MPPED2: variants seen among roughly 807,000 people sequenced by gnomAD.
MPPED2 encodes the protein metallophosphoesterase MPPED2.
MPPED2 carries 5 observed loss-of-function variants against 33.0 expected under a neutral mutation model. The observed-to-expected ratio is 0.15, with a 90% confidence interval of 0.08 to 0.32. The LOEUF is 0.32. Among genes scored for constraint, MPPED2 ranks in the 10% least tolerant of loss-of-function variants. The probability of loss-of-function intolerance (pLI) is 1.00; values close to 1 mark genes in which losing one functional copy is unlikely to be tolerated. For missense variants in MPPED2, 275 were observed against 372.1 expected, an observed-to-expected ratio of 0.74 and a Z score of 2.15; for synonymous variants, 136 against 141.9, an observed-to-expected ratio of 0.96 and a Z score of 0.29.
At position 30,489,219 on chromosome 11, in the gene MPPED2, C is replaced by T. The variant is rs539404847; in HGVS notation, c.536+6077G>A. ...GTTAATTTGTTCACTATTTCAAGAA[C>T]TTGAAGACTGTCAGCAAAATACATG... On this transcript the variant is annotated intron_variant, in intron 4 of 6. Coordinates refer to ENST00000358117, the MANE Select transcript of MPPED2 (RefSeq NM_001584.3). Among the ~76,000 whole-genome samples the T allele has an allele frequency of 6.6e-5, 10 of 152,262 alleles. 1 individual carries two copies. The South Asian group carries it at 2.1e-3, about 32-fold the overall frequency.
In MPPED2 at chr11:30,495,356, C is replaced by T. The variant is rs1453535781; in HGVS notation, c.476G>A (p.Ser159Asn). 6.2e-7 allele frequency: 1 copy of T among 1,614,152 alleles called. No individual in the cohort carries two copies. Among genetic ancestry groups the T allele is most frequent in the Middle Eastern group, 1.6e-4 (1 of 6,062 alleles). The change falls in exon 4 of 7, where the codon AGT becomes AAT. Residue 159 changes from serine to asparagine, a missense_variant. Coordinates refer to ENST00000358117, the MANE Select transcript of MPPED2 (RefSeq NM_001584.3). The part of the protein sequence containing the change: ...FDNVQSLLTN[S>N]IYLQDSEVTV... ...TACCTCCGAATCTTGTAAGTAAATA[C>T]TGTTTGTCAGGAGGGACTGAACATT...
chr11:30,500,806 G>T (rs1346915794), intron 3 of MPPED2, among the ~76,000 whole-genome samples: 2 of 152,114 alleles, frequency 1.3e-5, no homozygotes, highest in East Asian at 3.9e-4. Context: ...CTTCAAAATG[G>T]CAGACACACA....
At chr11:30,401,863 T>A (rs1947913538) in intron 6 of MPPED2, among the ~76,000 whole-genome samples, 1 of 94,274 alleles carries the variant, frequency 1.1e-5, no homozygotes, top group African/African-American at 2.8e-5. Context: ...TTTTTGTATT[T>A]TTTTTTTTTT....
chr11:30,542,338 G>T (rs151032785), intron 2 of MPPED2, among the ~76,000 whole-genome samples: 4 of 151,770 alleles, frequency 2.6e-5, no homozygotes, highest in African/African-American at 7.3e-5. Context: ...CACGAGCCAG[G>T]TTCGGTGGCT....
intron 3 of MPPED2, among the ~76,000 whole-genome samples, chr11:30,516,225 G>A (rs1953526604): frequency 6.6e-6 from 1 of 152,024 alleles, no homozygotes; most frequent in Non-Finnish European, 1.5e-5. Context: ...TTCAGAAAAG[G>A]AATAAAAATT....
chr11:30,436,886 G>A (rs1254965060), intron 4 of MPPED2, among the ~76,000 whole-genome samples: 1 of 152,066 alleles, frequency 6.6e-6, no homozygotes, highest in African/African-American at 2.4e-5. Flanking sequence ...TCCAAATCAG[G>A]CAACTTCTAG....
At chr11:30,542,615 G>A (rs998028606) in intron 2 of MPPED2, among the ~76,000 whole-genome samples, 5 of 151,826 alleles carry the variant, frequency 3.3e-5, no homozygotes, top group African/African-American at 1.2e-4. Flanking sequence ...GGGTAACAGA[G>A]CAAGACCATC....
At chr11:30,580,621 G>A (rs1957123478) in intron 1 of MPPED2, 127 bp from the exon 2 acceptor site, 1 of 879,852 alleles carries the variant, frequency 1.1e-6, no homozygotes, top group Non-Finnish European at 1.6e-6. Context: ...GTTGGCTCAT[G>A]GATACAACTG....
intron 3 of MPPED2, 92 bp from the exon 4 acceptor site, chr11:30,495,613 C>G: frequency 1.1e-6 from 1 of 877,248 alleles, no homozygotes; most frequent in Non-Finnish European, 1.8e-6. Flanking sequence ...ACAGCTCACC[C>G]AAATGAAATA....
intron 3 of MPPED2, among the ~76,000 whole-genome samples, chr11:30,533,686 C>T (rs551972512): frequency 6.6e-6 from 1 of 152,228 alleles, no homozygotes; most frequent in South Asian, 2.1e-4. Flanking sequence ...TATGGGATCC[C>T]AACTTCTCTA....
intron 4 of MPPED2, among the ~76,000 whole-genome samples, chr11:30,464,585 AC>A (rs1565094275): frequency 6.6e-6 from 1 of 152,186 alleles, no homozygotes; most frequent in Non-Finnish European, 1.5e-5. Context: ...ATCTGGATAA[AC>A]AGTTGGCATT....
chr11:30,542,022 A>G (rs2134539023), intron 2 of MPPED2, among the ~76,000 whole-genome samples: 1 of 152,344 alleles, frequency 6.6e-6, no homozygotes, highest in South Asian at 2.1e-4. Flanking sequence ...ATACTATTTG[A>G]TAAAGACAAG....
chr11:30,522,295 G>A (rs1159740072), intron 3 of MPPED2, among the ~76,000 whole-genome samples: 1 of 151,756 alleles, frequency 6.6e-6, no homozygotes, highest in East Asian at 1.9e-4. Flanking sequence ...TCATGTAAAT[G>A]AATATCCATG....
rs368102723 is a variant in MPPED2 at position 30,486,754 on chromosome 11, G to A, written c.536+8542C>T. Among the ~76,000 whole-genome samples, 66 of 152,248 alleles carry A rather than the reference G, an allele frequency of 4.3e-4. No individual in the cohort carries two copies. In the South Asian group the frequency reaches 0.013, roughly 30 times the overall value. ...TCACCTGAAGAGATGCTAGATTTCT[G>A]AGTGTTCAGGAAGAATCTAGGTACA... On this transcript the variant is annotated intron_variant, in intron 4 of 6. Transcript: ENST00000358117.
intron 4 of MPPED2, among the ~76,000 whole-genome samples, chr11:30,429,552 T>C (rs1265753695): frequency 6.6e-6 from 1 of 152,112 alleles, no homozygotes. Context: ...AGACCCGGTG[T>C]CTCCCTCACT....
intron 4 of MPPED2, among the ~76,000 whole-genome samples, chr11:30,459,276 C>G (rs1950424606): frequency 6.6e-6 from 1 of 152,114 alleles, no homozygotes; most frequent in Admixed American, 6.6e-5. Flanking sequence ...ACCAAAGATG[C>G]CTGTTTATCT....
chr11:30,388,762 C>G, exon 7 of MPPED2: 1 of 1,253,926 alleles, frequency 8.0e-7, no homozygotes, highest in Non-Finnish European at 1.0e-6. Flanking sequence ...TTGTCTTCAC[C>G]AAGGAGAGGC....
At chr11:30,409,399 T>C (rs563598874), downstream of MPPED2, among the ~76,000 whole-genome samples, 3 of 152,358 alleles carry the variant, frequency 2.0e-5, no homozygotes, top group African/African-American at 4.8e-5. Context: ...GGGAAGCCCA[T>C]GGGAAGCTCA....
At chr11:30,452,349 G>A (rs1020655828) in intron 4 of MPPED2, among the ~76,000 whole-genome samples, 1 of 152,148 alleles carries the variant, frequency 6.6e-6, no homozygotes, top group African/African-American at 2.4e-5. Context: ...GCTTAAACAC[G>A]ATCGTGTCTG....
Sources: allele counts gnomAD v4.1 joint callset (sites outside exome capture counted in the v4.1 genomes callset), GRCh38; gene constraint gnomAD v4.1.1; transcripts MANE v1.5; gene names NCBI Gene and HGNC (gene_info 2026-07-23, HGNC 2026-07-21).